The following CABIN1 variants were observed in gnomAD, a reference collection of about 807,000 sequenced individuals.
CABIN1 encodes calcineurin-binding protein cabin-1.
Under a neutral mutation model 227.7 loss-of-function variants are expected in CABIN1, and 133 were observed. The ratio of observed to expected loss-of-function variants is 0.58; its 90% CI spans 0.51 to 0.67. CABIN1 has a LOEUF of 0.67. CABIN1 is among the 30% of genes least tolerant of loss of function. The pLI is 0.00. For missense variants in CABIN1, 2,408 were observed against 2,852.5 expected, an observed-to-expected ratio of 0.84 and a Z score of 3.55; for synonymous variants, 1,086 against 1,155.1, an observed-to-expected ratio of 0.94 and a Z score of 1.21.
At chr22:24,134,490 C>T in intron 29 of CABIN1, 75 bp downstream of exon 29, 3 of 1,280,836 alleles carry the variant, frequency 2.3e-6, no homozygotes, top group African/African-American at 2.9e-5. Context: ...TGAATTGACC[C>T]CCTAGGTGGG....
At position 24,177,990 on chromosome 22, in the gene CABIN1, C is replaced by G. The variant is rs2047212760; in HGVS notation, c.6520-63C>G. 4 of 1,607,446 alleles carry G rather than the reference C, an allele frequency of 2.5e-6. No individual in the cohort carries two copies. The highest frequency in any genetic ancestry group is 2.2e-5 in the East Asian group (1 of 44,852). On this transcript the variant is annotated intron_variant, in intron 36 of 36. Coordinates refer to ENST00000263119, the MANE Select transcript of CABIN1 (RefSeq NM_012295.4). The surrounding 1 kb of genome is among the most constrained non-coding windows in gnomAD (Gnocchi z 4.4). ...GGGCCTGGGGCAGGGGTGAAGGTGG[C>G]AGAGGGGCTTGGGGCAGAGCCCAGC...
chr22:24,052,217 G>A (rs2038390197), intron 8 of CABIN1, among the ~76,000 whole-genome samples: 1 of 152,104 alleles, frequency 6.6e-6, no homozygotes, highest in Admixed American at 6.5e-5. Flanking sequence ...ATGGTGTAGG[G>A]GGAGGGCTAA....
chr22:24,014,347 T>G (rs187208238), intron 1 of CABIN1, among the ~76,000 whole-genome samples: 6 of 152,234 alleles, frequency 3.9e-5, no homozygotes, highest in Non-Finnish European at 5.9e-5. Context: ...ATTTTGTTGC[T>G]TACTGTTCCA....
chr22:24,115,201 C>A (rs1372804912), intron 27 of CABIN1, among the ~76,000 whole-genome samples: 2 of 152,212 alleles, frequency 1.3e-5, no homozygotes, highest in African/African-American at 4.8e-5. Context: ...GCTGTAGGTG[C>A]CATTGTGTCA....
intron 29 of CABIN1, among the ~76,000 whole-genome samples, chr22:24,144,344 C>G (rs1282366643): frequency 6.6e-6 from 1 of 152,232 alleles, no homozygotes; most frequent in Non-Finnish European, 1.5e-5. Flanking sequence ...TCTTGTCCCT[C>G]CCTTGCTTTC....
chr22:24,155,077 C>A (rs569004441), intron 29 of CABIN1, among the ~76,000 whole-genome samples: 1 of 152,120 alleles, frequency 6.6e-6, no homozygotes, highest in South Asian at 2.1e-4. Context: ...TCACCTAGCC[C>A]GTGCAGGTTG....
In CABIN1 at chr22:24,102,946, C is replaced by T. The variant is rs141342889; in HGVS notation, c.4117+4754C>T. ...TGCTGTCACCGTCTGTGTCGTGTGC[C>T]GTCTGTGCTCATCTTCGCCTGTTCG... On this transcript the variant is annotated intron_variant, in intron 26 of 36. Transcript: ENST00000263119. The T allele has an allele frequency of 9.2e-4, 140 of 152,874 alleles. 2 individuals are homozygous for T. Among genetic ancestry groups the T allele is most frequent in the African/African-American group, 2.9e-3 (122 of 41,532 alleles). The allele number at this position is 152,874 out of a possible 1,614,324, so 9.5% of individuals were successfully genotyped here.
chr22:24,050,939 G>A lies in CABIN1; in HGVS notation c.771G>A (p.Pro257=), dbSNP rs758954607. ...CGCTGATTGTGCGGGAGAAGGAGCC[G>A]GACCTGAAACTTGTGCAGCCCATTC... ...RQALIVREKE[P]DLKLVQPIPF... Residue 257 remains proline, a synonymous_variant, in exon 8 of 37, where the codon CCG becomes CCA. Coordinates refer to ENST00000263119, the MANE Select transcript of CABIN1 (RefSeq NM_012295.4). The A allele has an allele frequency of 1.7e-4, 276 of 1,614,072 alleles. No homozygotes were observed. Among genetic ancestry groups the A allele is most frequent in the East Asian group, 7.6e-4 (34 of 44,904 alleles).
intron 34 of CABIN1, among the ~76,000 whole-genome samples, chr22:24,175,176 C>T (rs761136091): frequency 6.6e-6 from 1 of 151,952 alleles, no homozygotes; most frequent in South Asian, 2.1e-4. Context: ...ACACTGGGGG[C>T]AGGGGGCGAG....
chr22:24,123,767 TAACA>T (rs2043556872), intron 28 of CABIN1, among the ~76,000 whole-genome samples: 1 of 152,266 alleles, frequency 6.6e-6, no homozygotes, highest in Non-Finnish European at 1.5e-5. Context: ...AGCTGTTTGT[TAACA>T]AACACTTCCC....
At chr22:24,063,226 G>A in intron 14 of CABIN1, 80 bp downstream of exon 14, 1 of 1,421,802 alleles carries the variant, frequency 7.0e-7, no homozygotes, top group Non-Finnish European at 9.9e-7. Flanking sequence ...TGTTGAGGGT[G>A]TGTGTGTGTA....
At chr22:24,020,214 A>G (rs900940348) in intron 1 of CABIN1, among the ~76,000 whole-genome samples, 1 of 152,128 alleles carries the variant, frequency 6.6e-6, no homozygotes, top group Admixed American at 6.5e-5. Flanking sequence ...TAGATATTGA[A>G]TTTTGTCAGA....
chr22:24,156,764 T>C (rs1199182129), intron 29 of CABIN1, among the ~76,000 whole-genome samples: 1 of 151,218 alleles, frequency 6.6e-6, no homozygotes, highest in East Asian at 2.0e-4. Context: ...AACGGTTGCA[T>C]GGGATGGGGG....
At chr22:24,041,084 C>G in intron 4 of CABIN1, 55 bp from the exon 5 acceptor site, 1 of 1,611,148 alleles carries the variant, frequency 6.2e-7, no homozygotes, top group South Asian at 1.1e-5. Flanking sequence ...ATCCTGCTGG[C>G]TGCTTGCTGA....
At chr22:24,075,581 C>CA (rs965406809) in intron 18 of CABIN1, among the ~76,000 whole-genome samples, 2 of 151,946 alleles carry the variant, frequency 1.3e-5, no homozygotes, top group African/African-American at 4.8e-5. Flanking sequence ...CCTGTCTCTA[C>CA]AAAAAATTAA....
At chr22:24,017,250 G>T (rs1220112423) in intron 1 of CABIN1, among the ~76,000 whole-genome samples, 2 of 151,738 alleles carry the variant, frequency 1.3e-5, no homozygotes, top group African/African-American at 4.8e-5. Flanking sequence ...TGTTAGCCAG[G>T]ATGGTCTCCA....
chr22:24,087,515 C>A lies in CABIN1; in HGVS notation c.3327C>A (p.Ser1109=), dbSNP rs138002515. 3.1e-4 allele frequency: 500 copies of A among 1,614,228 alleles called. 1 individual carries two copies. Among genetic ancestry groups the A allele is most frequent in the South Asian group, 9.9e-4 (90 of 91,086 alleles). Residue 1109 remains serine, a synonymous_variant, in exon 23 of 37, where the codon TCC becomes TCA. Transcript: ENST00000263119. ...GCCGCATTCAGGACAAGCTGAACTC[C>A]AATGAGCTGAAGAGTGATGGGCCCA... is the stretch of plus-strand genomic sequence containing the variant. ...RASRIQDKLN[S]NELKSDGPIW...
At chr22:24,146,151 T>C (rs2045101765) in intron 29 of CABIN1, among the ~76,000 whole-genome samples, 1 of 152,170 alleles carries the variant, frequency 6.6e-6, no homozygotes, top group African/African-American at 2.4e-5. Flanking sequence ...AAAGTTTAAA[T>C]TGAGGAAATA....
chr22:24,028,836 T>C (rs933508015), intron 1 of CABIN1, among the ~76,000 whole-genome samples: 3 of 152,032 alleles, frequency 2.0e-5, no homozygotes, highest in Non-Finnish European at 4.4e-5. Context: ...CCAGATATAG[T>C]GGTACAAAGA....
Sources: gnomAD v4.1 joint callset for allele counts (sites outside exome capture counted in the v4.1 genomes callset) on GRCh38, gnomAD v4.1.1 for gene constraint, Gnocchi (gnomAD v3.1) non-coding constraint, MANE v1.5 for transcripts, NCBI Gene and HGNC (gene_info 2026-07-23, HGNC 2026-07-21) for gene names.